CORO2A: variants seen among roughly 807,000 people sequenced by gnomAD.
The protein encoded by CORO2A is coronin-2A.
Under a neutral mutation model 62.4 loss-of-function variants are expected in CORO2A, and 47 were observed. That is an observed-to-expected ratio of 0.75 (90% CI 0.60 to 0.96). The LOEUF (loss-of-function observed/expected upper bound fraction) is 0.96. CORO2A is among the 40% of genes least tolerant of loss of function. The pLI, the probability that CORO2A is intolerant of heterozygous loss-of-function variation, is 0.00. For synonymous variants in CORO2A, 273 were observed against 268.9 expected (o/e 1.02, Z -0.15); for missense variants, 610 against 684.1 (o/e 0.89, Z 1.21).
chr9:98,182,720 G>A (rs1278942574), intron 1 of CORO2A, among the ~76,000 whole-genome samples: 2 of 152,138 alleles, frequency 1.3e-5, no homozygotes, highest in African/African-American at 4.8e-5. Context: ...GTAAAAAGAG[G>A]ACAAGACTAT....
At chr9:98,157,726 C>G (rs1827826327) in intron 1 of CORO2A, 66 bp from the exon 2 acceptor site, 1 of 1,463,498 alleles carries the variant, frequency 6.8e-7, no homozygotes, top group Non-Finnish European at 9.4e-7. Context: ...ACACAGAGCT[C>G]TCATCTTAAG....
intron 1 of CORO2A, among the ~76,000 whole-genome samples, chr9:98,175,237 C>T (rs552930562): frequency 2.0e-5 from 3 of 151,928 alleles, no homozygotes; most frequent in Non-Finnish European, 2.9e-5. Context: ...CAGAGGGGCT[C>T]GGTAGGGTGG....
At chr9:98,142,834 CCCCTG>C (rs965873553) in intron 2 of CORO2A, among the ~76,000 whole-genome samples, 3 of 136,592 alleles carry the variant, frequency 2.2e-5, no homozygotes, top group East Asian at 2.1e-4. Context: ...CGCCCCACCT[CCCCTG>C]CCCTGCCCTG....
rs1161560449 is a variant in CORO2A, at chr9:98,157,538, A to G, written c.123T>C (p.Cys41=). Residue 41 remains cysteine (C), a synonymous_variant, in exon 2 of 12, where the codon TGT becomes TGC. Coordinates refer to ENST00000375077, the MANE Select transcript of CORO2A (RefSeq NM_052820.4). ...CTGCAATGAAGTGGGGGTTCACGGC[A>G]CAGAAGTGGTTGTCGTGAACGCTGC... ...ITRSVHDNHF[C]AVNPHFIAVV... is the part of the protein sequence containing the mutation. 6.2e-7 allele frequency: 1 copy of G among 1,614,200 alleles called. No individual in the cohort carries two copies. The highest frequency in any genetic ancestry group is 8.5e-7 in the Non-Finnish European group (1 of 1,180,042).
At chr9:98,163,911 T>C (rs935236065) in intron 1 of CORO2A, among the ~76,000 whole-genome samples, 1 of 152,204 alleles carries the variant, frequency 6.6e-6, no homozygotes, top group Non-Finnish European at 1.5e-5. Context: ...ACCATTATAA[T>C]AGATTATTCA....
intron 3 of CORO2A, 49 bp from the exon 4 acceptor site, chr9:98,135,004 C>A (rs757164347): frequency 6.3e-7 from 1 of 1,597,416 alleles, no homozygotes; most frequent in Non-Finnish European, 8.5e-7. Context: ...GGCACCTTGG[C>A]ACCGTCACCA....
At chr9:98,161,222 C>T (rs991835235) in intron 1 of CORO2A, among the ~76,000 whole-genome samples, 7 of 152,074 alleles carry the variant, frequency 4.6e-5, no homozygotes, top group South Asian at 2.1e-4. Context: ...CTCAGATACC[C>T]GGACTCTGAG....
Position 98,130,839 on chromosome 9 carries a change from A to G in CORO2A, c.870+116T>C, listed in dbSNP as rs945039245. On this transcript the variant is annotated intron_variant, in intron 7 of 11. Transcript: ENST00000375077. ...GTGGGAGGGGTTCCTTCTCACAGGG[A>G]AAGAGTGGCCAGCGAGGCCTGCCCA... The G allele has an allele frequency of 3.0e-5, 24 of 794,796 alleles. 1 individual carries two copies. Among genetic ancestry groups the G allele is most frequent in the South Asian group, 8.6e-5 (5 of 57,954 alleles). 49.2% of individuals were successfully genotyped at this position (794,796 alleles called of 1,614,324 possible).
intron 2 of CORO2A, 135 bp downstream of exon 2, chr9:98,157,325 G>A: frequency 2.6e-6 from 2 of 782,082 alleles, no homozygotes; most frequent in Admixed American, 2.9e-5. Context: ...GGCTCAAAGA[G>A]ATGAAATGAC....
chr9:98,151,868 G>A (rs1461328061), intron 2 of CORO2A, among the ~76,000 whole-genome samples: 1 of 145,388 alleles, frequency 6.9e-6, no homozygotes, highest in African/African-American at 2.6e-5. Context: ...CCAGGCTGGA[G>A]TACAGTGGCG....
intron 7 of CORO2A, among the ~76,000 whole-genome samples, chr9:98,130,119 C>CT (rs1324667835): frequency 1.3e-5 from 2 of 152,200 alleles, no homozygotes; most frequent in Non-Finnish European, 2.9e-5. Flanking sequence ...CAGGGTCTCA[C>CT]TTTATTGCCC....
intron 1 of CORO2A, among the ~76,000 whole-genome samples, chr9:98,159,854 C>T (rs1827860067): frequency 6.6e-6 from 1 of 152,098 alleles, no homozygotes; most frequent in South Asian, 2.1e-4. Flanking sequence ...CCCCCTTGGG[C>T]CCCCACCTTC....
At chr9:98,177,684 G>T (rs1324630857) in intron 1 of CORO2A, among the ~76,000 whole-genome samples, 2 of 150,512 alleles carry the variant, frequency 1.3e-5, no homozygotes, top group Admixed American at 6.6e-5. Flanking sequence ...GGCCTGGCTG[G>T]TCTCGAACTC....
chr9:98,181,464 C>T (rs770221304), intron 1 of CORO2A, among the ~76,000 whole-genome samples: 5 of 151,758 alleles, frequency 3.3e-5, no homozygotes, highest in Admixed American at 2.6e-4. Flanking sequence ...GCGTGAGCCT[C>T]GGTGCCTGGC....
chr9:98,159,091 G>A lies in CORO2A; in HGVS notation c.1-1431C>T, dbSNP rs145430135. 2.9e-3 allele frequency among the ~76,000 whole-genome samples: 411 copies of A among 141,852 alleles called. 4 individuals carry two copies. The highest frequency in any genetic ancestry group is 0.01 in the African/African-American group (391 of 37,600). The allele number at this position is 141,852 out of a possible 152,430, so 93.1% of individuals were successfully genotyped here. A position where few individuals can be genotyped will look rare whatever the true frequency, so the allele number is the denominator to read the frequency against. On this transcript the variant is annotated intron_variant, in intron 1 of 11. Coordinates refer to ENST00000375077, the MANE Select transcript of CORO2A (RefSeq NM_052820.4). ...ATTATTATTTTTGAGGAAGGATCTC[G>A]CTCTGTCACCCAGGCTGGAGTGCAG...
intron 5 of CORO2A, among the ~76,000 whole-genome samples, chr9:98,132,728 G>A (rs888149162): frequency 6.6e-6 from 1 of 152,190 alleles, no homozygotes; most frequent in African/African-American, 2.4e-5. Context: ...CAGTGGTATC[G>A]TCGGCTCTCC....
chr9:98,182,108 C>T (rs532824851), intron 1 of CORO2A, among the ~76,000 whole-genome samples: 4 of 152,294 alleles, frequency 2.6e-5, no homozygotes, highest in Admixed American at 2.0e-4. Flanking sequence ...TGGGACTCTA[C>T]GATTACTGTC....
At chr9:98,165,575 G>A (rs1411837373) in intron 1 of CORO2A, among the ~76,000 whole-genome samples, 2 of 152,226 alleles carry the variant, frequency 1.3e-5, no homozygotes, top group Non-Finnish European at 2.9e-5. Flanking sequence ...AAATGACCAA[G>A]AGCAGAAAGA....
Position 98,160,726 on chromosome 9 carries a change from G to A in CORO2A, c.1-3066C>T, listed in dbSNP as rs141661585. Among the ~76,000 whole-genome samples the A allele has an allele frequency of 3.9e-5, 6 of 152,284 alleles. 1 individual carries two copies. In the South Asian group the frequency reaches 6.2e-4, roughly 16 times the overall value. On this transcript the variant is annotated intron_variant, in intron 1 of 11. Coordinates refer to ENST00000375077, the MANE Select transcript of CORO2A (RefSeq NM_052820.4). ...ACCTTGAGCAACTGCTGGGGGTGGC[G>A]GGAGTGCACCTGTCTGTGGCAGCTG...
Sources: allele counts gnomAD v4.1 joint callset (sites outside exome capture counted in the v4.1 genomes callset), GRCh38; gene constraint gnomAD v4.1.1; transcripts MANE v1.5; gene names NCBI Gene and HGNC (gene_info 2026-07-23, HGNC 2026-07-21).